Variants in CCDC169 observed in about 807,000 individuals in gnomAD.
CCDC169 encodes coiled-coil domain-containing protein 169.
In CCDC169, 30 loss-of-function variants were observed where a neutral mutation model predicts 36.0. The observed-to-expected ratio is 0.83, with a 90% CI of 0.62 to 1.13. The LOEUF is 1.13. Among genes scored for constraint, CCDC169 ranks in the 50% most tolerant of loss-of-function variants. The pLI, the probability that CCDC169 is intolerant of heterozygous loss-of-function variation, is 0.00. For synonymous variants in CCDC169, 85 were observed against 81.5 expected (o/e 1.04, Z -0.23); for missense variants, 245 against 245.9 (o/e 1.00, Z 0.03).
intron 7 of CCDC169, among the ~76,000 whole-genome samples, chr13:36,248,151 A>G (rs1389467873): frequency 1.3e-5 from 2 of 152,186 alleles, no homozygotes; most frequent in Non-Finnish European, 2.9e-5. Flanking sequence ...ACATAATGCT[A>G]TTGCATACTT....
At chr13:36,251,228 C>A (rs1466705523) in intron 6 of CCDC169, among the ~76,000 whole-genome samples, 1 of 152,208 alleles carries the variant, frequency 6.6e-6, no homozygotes, top group African/African-American at 2.4e-5. Flanking sequence ...GCAAATAGCT[C>A]TAGTTATCTA....
intron 4 of CCDC169, among the ~76,000 whole-genome samples, chr13:36,266,556 A>C (rs1875345180): frequency 6.6e-6 from 1 of 152,150 alleles, no homozygotes; most frequent in Admixed American, 6.5e-5. Context: ...CAACTCTCAC[A>C]ATTAGGTCTT....
intron 7 of CCDC169, among the ~76,000 whole-genome samples, chr13:36,243,368 C>T (rs2138428811): frequency 6.6e-6 from 1 of 151,806 alleles, no homozygotes; most frequent in African/African-American, 2.4e-5. Flanking sequence ...GGAATGGTGG[C>T]ACACACCTGT....
intron 2 of CCDC169, among the ~76,000 whole-genome samples, chr13:36,293,163 C>A (rs1879111582): frequency 6.6e-6 from 1 of 152,180 alleles, no homozygotes. Context: ...CTATTTGTCA[C>A]ATGTGCGCAT....
At position 36,253,833 on chromosome 13, in the gene CCDC169, T is replaced by C; in HGVS notation, c.438A>G (p.Glu146=). The change falls in exon 6 of 8, where the codon GAA becomes GAG. Residue 146 remains glutamate (E), a synonymous_variant. Coordinates refer to ENST00000239859, the MANE Select transcript of CCDC169 (RefSeq NM_001144981.3). ...ESKAYQKINN[E]RRTYLAEMSQ... ...ACATTTCAGCTAGGTATGTACGGCG[T>C]TCATTGTTGATCTTCTGGTAAGCCT... The C allele has an allele frequency of 6.4e-7, 1 of 1,551,236 alleles. No homozygotes were observed. Among genetic ancestry groups the C allele is most frequent in the Non-Finnish European group, 8.7e-7 (1 of 1,146,892 alleles).
intron 4 of CCDC169, among the ~76,000 whole-genome samples, chr13:36,274,870 T>TTTTC: frequency 7.0e-6 from 1 of 143,036 alleles, no homozygotes; most frequent in East Asian, 2.0e-4. Flanking sequence ...TTAGCTGCAT[T>TTTTC]TTTTTTTTTT....
chr13:36,238,330 G>C (rs1035745971), intron 7 of CCDC169, among the ~76,000 whole-genome samples: 1 of 152,096 alleles, frequency 6.6e-6, no homozygotes, highest in Non-Finnish European at 1.5e-5. Context: ...GCAGTGGCAC[G>C]AACATAGCTC....
intron 7 of CCDC169, chr13:36,240,492 G>T: frequency 6.7e-6 from 3 of 445,572 alleles, no homozygotes; most frequent in Non-Finnish European, 1.0e-5. Flanking sequence ...GGATATTTTG[G>T]TTGTGTTATC....
At chr13:36,292,285 C>T (rs1878997623) in intron 2 of CCDC169, among the ~76,000 whole-genome samples, 1 of 152,064 alleles carries the variant, frequency 6.6e-6, no homozygotes, top group Non-Finnish European at 1.5e-5. Context: ...TGAACTGCCG[C>T]ACCTGGCCTC....
intron 7 of CCDC169, among the ~76,000 whole-genome samples, chr13:36,237,162 T>C (rs1871188033): frequency 6.6e-6 from 1 of 152,050 alleles, no homozygotes; most frequent in Admixed American, 6.5e-5. Flanking sequence ...AGGCTATCTG[T>C]ATAGAAATGG....
intron 2 of CCDC169, among the ~76,000 whole-genome samples, chr13:36,284,296 G>A (rs1284985039): frequency 2.6e-5 from 4 of 152,020 alleles, no homozygotes; most frequent in African/African-American, 4.8e-5. Flanking sequence ...CGTGTCTGCC[G>A]TGTGTAAAGC....
chr13:36,287,134 A>G (rs183634416), intron 2 of CCDC169, among the ~76,000 whole-genome samples: 1 of 149,256 alleles, frequency 6.7e-6, no homozygotes, highest in East Asian at 2.0e-4. Context: ...ACCTGAAGCT[A>G]TAGAGTTAAG....
intron 7 of CCDC169, among the ~76,000 whole-genome samples, chr13:36,243,757 G>C (rs557138163): frequency 6.6e-6 from 1 of 152,298 alleles, no homozygotes; most frequent in South Asian, 2.1e-4. Flanking sequence ...AGTGAGCCAA[G>C]ATCGCGCCAT....
chr13:36,236,752 T>A (rs971168374), intron 7 of CCDC169, among the ~76,000 whole-genome samples: 1 of 152,036 alleles, frequency 6.6e-6, no homozygotes, highest in African/African-American at 2.4e-5. Context: ...ATGCTCTCAA[T>A]GCAATATAAT....
At chr13:36,285,919 T>C (rs1878201000) in intron 2 of CCDC169, among the ~76,000 whole-genome samples, 1 of 152,234 alleles carries the variant, frequency 6.6e-6, no homozygotes, top group African/African-American at 2.4e-5. Flanking sequence ...ATGGTTATTT[T>C]GGATGGGAAT....
intron 2 of CCDC169, among the ~76,000 whole-genome samples, chr13:36,286,564 C>T (rs1296463193): frequency 1.3e-5 from 2 of 152,170 alleles, no homozygotes; most frequent in Non-Finnish European, 2.9e-5. Flanking sequence ...ATGCACACCA[C>T]CTGTTTGTCC....
At chr13:36,249,889 A>G (rs2138456838) in intron 6 of CCDC169, among the ~76,000 whole-genome samples, 1 of 152,238 alleles carries the variant, frequency 6.6e-6, no homozygotes, top group Middle Eastern at 3.4e-3. Flanking sequence ...TTTGGGTGTG[A>G]GCTAAGATAT....
Position 36,297,783 on chromosome 13 carries a change from G to T in CCDC169, c.-64C>A. The T allele has an allele frequency of 6.9e-7, 1 of 1,453,972 alleles. No homozygotes were observed. The highest frequency in any genetic ancestry group is 9.4e-7 in the Non-Finnish European group (1 of 1,064,388). The allele number at this position is 1,453,972 out of a possible 1,614,324, so 90.1% of individuals were successfully genotyped here. On this transcript the variant is annotated 5_prime_UTR_variant, in exon 1 of 8. Transcript: ENST00000239859. The stretch of plus-strand genomic sequence containing the variant: ...CACCTTAGAGCACAAGACATTAAGG[G>T]CCACCCAGAAGCCAGTACGGCACGA...
chr13:36,275,749 T>C (rs1429491566), intron 4 of CCDC169, among the ~76,000 whole-genome samples: 4 of 152,138 alleles, frequency 2.6e-5, no homozygotes, highest in Non-Finnish European at 4.4e-5. Context: ...AAGACCCAAA[T>C]AGGGCTGGAT....
Sources: gnomAD v4.1 joint callset for allele counts (sites outside exome capture counted in the v4.1 genomes callset) on GRCh38, gnomAD v4.1.1 for gene constraint, MANE v1.5 for transcripts, NCBI Gene and HGNC (gene_info 2026-07-23, HGNC 2026-07-21) for gene names.